MCM8: variants seen among roughly 807,000 people sequenced by gnomAD.
The protein encoded by MCM8 is DNA helicase MCM8.
MCM8 carries 85 observed loss-of-function variants against 98.9 expected under a neutral mutation model. The observed-to-expected ratio is 0.86, with a 90% CI of 0.72 to 1.03. The LOEUF (loss-of-function observed/expected upper bound fraction) is 1.03. Ranked by LOEUF, MCM8 falls within the 50% of genes least tolerant of loss-of-function variation. MCM8 has a pLI of 0.00. For synonymous variants in MCM8, 352 were observed against 338.6 expected, an observed-to-expected ratio of 1.04 and a Z score of -0.44; for missense variants, 951 against 997.8, an observed-to-expected ratio of 0.95 and a Z score of 0.63.
At chr20:5,973,411 TG>T (rs1159509364) in intron 12 of MCM8, among the ~76,000 whole-genome samples, 1 of 152,246 alleles carries the variant, frequency 6.6e-6, no homozygotes, top group Non-Finnish European at 1.5e-5. Context: ...ACAAACATCT[TG>T]GTCTGTTGAG....
chr20:5,980,563 A>G (rs2122783122), intron 13 of MCM8, among the ~76,000 whole-genome samples: 1 of 152,326 alleles, frequency 6.6e-6, no homozygotes, highest in Non-Finnish European at 1.5e-5. Flanking sequence ...GAAACCATGC[A>G]ACTTCATTAA....
At chr20:5,982,163 ACT>A (rs1369022591) in intron 13 of MCM8, among the ~76,000 whole-genome samples, 1 of 152,084 alleles carries the variant, frequency 6.6e-6, no homozygotes, top group Non-Finnish European at 1.5e-5. Flanking sequence ...GTTATTGGGG[ACT>A]CTCTAACATT....
intron 7 of MCM8, 103 bp from the exon 8 acceptor site, chr20:5,963,171 C>A (rs2122697864): frequency 1.1e-6 from 1 of 870,264 alleles, no homozygotes; most frequent in Non-Finnish European, 1.9e-6. Context: ...ATCCTGAGAC[C>A]AACTTTTAAA....
chr20:5,987,351 A>G lies in MCM8; in HGVS notation c.2233A>G (p.Lys745Glu), dbSNP rs1303653928. ...CGCTGAGGATATAGTGGAAATTATGAAATATAGGTAAGATAAAAATTTCAA... is the reference window on the plus strand; with the variant it reads ...CGCTGAGGATATAGTGGAAATTATGGAATATAGGTAAGATAAAAATTTCAA... ...EDAEDIVEIM[K>E]YSMLGTYSDE... is the part of the protein sequence containing the mutation. Residue 745 changes from lysine to glutamate, a missense_variant, in exon 17 of 19, where the codon AAA becomes GAA. Lys to Glu is a moderately conservative substitution (Grantham distance 56). Transcript: ENST00000610722. 6.2e-7 allele frequency: 1 copy of G among 1,607,220 alleles called. No individual in the cohort carries two copies. Among genetic ancestry groups the G allele is most frequent in the Non-Finnish European group, 8.5e-7 (1 of 1,177,728 alleles).
Position 5,984,678 on chromosome 20 carries a change from C to T in MCM8, c.1734-103C>T, listed in dbSNP as rs890152089. 34 of 943,344 alleles carry T rather than the reference C, an allele frequency of 3.6e-5. No individual in the cohort carries two copies. The African/African-American group carries it at 5.5e-4, about 15-fold the overall frequency. The allele number at this position is 943,344 out of a possible 1,614,324, so 58.4% of individuals were successfully genotyped here. A position where few individuals can be genotyped will look rare whatever the true frequency, so the allele number is the denominator to read the frequency against. On this transcript the variant is annotated intron_variant, in intron 14 of 18. Transcript: ENST00000610722. ...TTCTTTAACCTAAATCTTGGTTTTT[C>T]AAGTTCTGCGTGGAACTTGAGTAGT...
At chr20:5,966,857 G>C (rs1191922400) in intron 8 of MCM8, among the ~76,000 whole-genome samples, 1 of 152,232 alleles carries the variant, frequency 6.6e-6, no homozygotes, top group East Asian at 1.9e-4. Context: ...CCTTAGAACA[G>C]TGCTCTGGTT....
intron 11 of MCM8, 138 bp from the exon 12 acceptor site, chr20:5,972,918 C>T: frequency 2.2e-6 from 3 of 1,339,286 alleles, no homozygotes; most frequent in South Asian, 3.2e-5. Context: ...TTTTAGACTT[C>T]CTTTTCTTAG....
chr20:5,979,424 A>G (rs1314722972), intron 13 of MCM8, among the ~76,000 whole-genome samples: 1 of 152,184 alleles, frequency 6.6e-6, no homozygotes. Context: ...CTTAAATATC[A>G]GGCACATACT....
At position 5,984,927 on chromosome 20, in the gene MCM8, G is replaced by A. The variant is rs977955786; in HGVS notation, c.1880G>A (p.Arg627His). 29 of 1,613,952 alleles carry A rather than the reference G, an allele frequency of 1.8e-5. No homozygotes were observed. The highest frequency in any genetic ancestry group is 2.1e-5 in the Non-Finnish European group (25 of 1,180,020). ...ACCATTAGCAGTGCCACAGTAGCTC[G>A]TATGAATAGTCAAGATTCAAATACT... Reference protein sequence around the residue: ...QRTISSATVARMNSQDSNTSV... With the variant: ...QRTISSATVAHMNSQDSNTSV... The change falls in exon 15 of 19, where the codon CGT (arginine) becomes CAT (histidine). Residue 627 changes from arginine (R) to histidine (H), a missense_variant. By Grantham distance (29) the Arg-to-His change is conservative (BLOSUM62 0). Transcript: ENST00000610722.
chr20:5,978,309 T>C (rs576966216), intron 13 of MCM8, among the ~76,000 whole-genome samples: 1 of 146,196 alleles, frequency 6.8e-6, no homozygotes, highest in South Asian at 2.2e-4. Flanking sequence ...TCATACCACC[T>C]ATCATATTTG....
intron 10 of MCM8, among the ~76,000 whole-genome samples, chr20:5,968,984 A>G (rs953178646): frequency 2.0e-5 from 3 of 152,322 alleles, no homozygotes; most frequent in South Asian, 4.1e-4. Context: ...TTTTCTTTGG[A>G]GACAAACCTA....
At chr20:5,972,741 T>A in intron 11 of MCM8, 1 of 1,316,942 alleles carries the variant, frequency 7.6e-7, no homozygotes, top group Non-Finnish European at 9.9e-7. Flanking sequence ...GAAATGGGCT[T>A]TTAAAGTGAC....
At chr20:5,984,150 G>A (rs1176062101) in intron 14 of MCM8, among the ~76,000 whole-genome samples, 3 of 152,168 alleles carry the variant, frequency 2.0e-5, no homozygotes, top group Admixed American at 6.5e-5. Context: ...ATATATTTAA[G>A]TGATACAAAA....
At chr20:5,976,967 A>G (rs1414110717) in intron 12 of MCM8, among the ~76,000 whole-genome samples, 1 of 152,210 alleles carries the variant, frequency 6.6e-6, no homozygotes, top group East Asian at 1.9e-4. Context: ...TAATAAATAT[A>G]ACAAAACAAA....
chr20:5,993,626 T>A lies in MCM8; in HGVS notation c.2361T>A (p.Ala787=). ...TTATTTCTGCTCTCAACAACGTTGC[T>A]GAAAGAACTTATAATAATATATTTC... The part of the protein sequence containing the change: ...KRFISALNNV[A]ERTYNNIFQF... The change falls in exon 18 of 19, where the codon GCT becomes GCA. Residue 787 remains alanine (A), a synonymous_variant. Transcript: ENST00000610722. 6.2e-7 allele frequency: 1 copy of A among 1,612,170 alleles called. No individual in the cohort carries two copies. The highest frequency in any genetic ancestry group is 8.5e-7 in the Non-Finnish European group (1 of 1,178,690).
chr20:5,962,352 C>CTTT (rs926577182), intron 7 of MCM8, among the ~76,000 whole-genome samples: 1,187 of 40,556 alleles, frequency 0.029, 330 homozygotes, highest in Middle Eastern at 0.05. Context: ...GCCTTCATTT[C>CTTT]TTTTTTTTTT....
chr20:5,952,606 C>A, intron 3 of MCM8, 78 bp downstream of exon 3: 1 of 1,157,650 alleles, frequency 8.6e-7, no homozygotes, highest in Non-Finnish European at 1.3e-6. Flanking sequence ...TCTTGTATTA[C>A]TGTAATTCAT....
intron 18 of MCM8, among the ~76,000 whole-genome samples, chr20:5,994,077 A>C (rs752463696): frequency 7.9e-5 from 12 of 152,196 alleles, no homozygotes; most frequent in Non-Finnish European, 1.5e-4. Flanking sequence ...ACCTAAAACA[A>C]ATGTAAAATA....
chr20:5,971,951 C>G, intron 10 of MCM8, 56 bp from the exon 11 acceptor site: 1 of 1,490,324 alleles, frequency 6.7e-7, no homozygotes, highest in Non-Finnish European at 9.3e-7. Flanking sequence ...GAGGAGATCT[C>G]CTAATGGATC....
Sources: gnomAD v4.1 joint callset for allele counts (sites outside exome capture counted in the v4.1 genomes callset) on GRCh38, gnomAD v4.1.1 for gene constraint, MANE v1.5 for transcripts, NCBI Gene and HGNC (gene_info 2026-07-23, HGNC 2026-07-21) for gene names.